The following PBX1 variants were observed in gnomAD, a reference collection of about 807,000 sequenced individuals.
The protein encoded by PBX1 is PBX homeobox 1.
A neutral mutation model predicts 53.4 loss-of-function variants in PBX1; 6 were observed. The observed-to-expected ratio is 0.11, with a 90% CI of 0.06 to 0.22. PBX1 has a LOEUF of 0.22. Among genes scored for constraint, PBX1 ranks in the 10% least tolerant of loss-of-function variants. The probability of loss-of-function intolerance (pLI) is 1.00; values close to 1 mark genes in which losing one functional copy is unlikely to be tolerated. For synonymous variants in PBX1, 204 were observed against 212.3 expected (o/e 0.96, Z 0.34); for missense variants, 251 against 551.4 (o/e 0.46, Z 5.46).
chr1:164,792,479 T>C lies in PBX1; in HGVS notation c.266-15T>C. 1 of 1,604,150 alleles carries C rather than the reference T, an allele frequency of 6.2e-7. No individual in the cohort carries two copies. On this transcript the variant is annotated splice_polypyrimidine_tract_variant and intron_variant, in intron 2 of 8. Transcript: ENST00000420696. ...GGGTTACTATTAACGCTCCCTTCCCTGTCTTTTTCTGTAGTTTTGAGTATC... is the reference window on the plus strand; with the variant it reads ...GGGTTACTATTAACGCTCCCTTCCCCGTCTTTTTCTGTAGTTTTGAGTATC...
intron 8 of PBX1, among the ~76,000 whole-genome samples, chr1:164,846,039 TG>T (rs1671554259): frequency 6.6e-6 from 1 of 152,126 alleles, no homozygotes; most frequent in African/African-American, 2.4e-5. Context: ...CTTGAACACA[TG>T]AACTACATCT....
intron 2 of PBX1, among the ~76,000 whole-genome samples, chr1:164,624,868 T>C (rs1657934603): frequency 6.6e-6 from 1 of 152,220 alleles, no homozygotes; most frequent in Non-Finnish European, 1.5e-5. Context: ...TAGCCTGTTG[T>C]CCAAAACTGC....
intron 2 of PBX1, among the ~76,000 whole-genome samples, chr1:164,620,582 G>A (rs973705348): frequency 6.6e-6 from 1 of 152,136 alleles, no homozygotes; most frequent in Non-Finnish European, 1.5e-5. Flanking sequence ...CTAAAATCAG[G>A]TCTGGTGCTG....
At position 164,799,465 on chromosome 1, in the gene PBX1, T is replaced by A. The variant is rs1668958053; in HGVS notation, c.511-234T>A. On this transcript the variant is annotated intron_variant, in intron 3 of 8. Transcript: ENST00000420696. ...GATATCGTGCCACTGCACTCCAGCC[T>A]GGGCGACCGAGCGAGACTCCGTCTC... Among the ~76,000 whole-genome samples the A allele has an allele frequency of 2.0e-5, 3 of 152,198 alleles. 1 individual carries two copies. Among genetic ancestry groups the A allele is most frequent in the Admixed American group, 2.0e-4 (3 of 15,290 alleles).
At chr1:164,563,362 C>G (rs1653199240) in intron 2 of PBX1, 51 bp downstream of exon 2, 2 of 1,168,134 alleles carry the variant, frequency 1.7e-6, no homozygotes, top group East Asian at 4.7e-5. Flanking sequence ...AATTAAATCA[C>G]TTAACCAGCA....
chr1:164,770,644 G>A (rs984895816), intron 2 of PBX1: 15 of 152,134 alleles, frequency 9.9e-5, no homozygotes, highest in African/African-American at 2.4e-4. Context: ...GTGCATCACC[G>A]TCTCTAACTG....
chr1:164,583,163 T>G (rs932546416), intron 2 of PBX1, among the ~76,000 whole-genome samples: 2 of 152,168 alleles, frequency 1.3e-5, no homozygotes, highest in Non-Finnish European at 2.9e-5. Flanking sequence ...AATTGCTACA[T>G]GATAGAAGTG....
chr1:164,750,000 T>A (rs1468806130), intron 2 of PBX1, among the ~76,000 whole-genome samples: 2 of 151,932 alleles, frequency 1.3e-5, no homozygotes, highest in African/African-American at 4.8e-5. Context: ...CTTGGGAGGC[T>A]GAGGCAAAAG....
At position 164,796,390 on chromosome 1, in the gene PBX1, T is replaced by G. The variant is rs530377944; in HGVS notation, c.511-3309T>G. Among the ~76,000 whole-genome samples the G allele has an allele frequency of 5.3e-5, 8 of 151,748 alleles. No homozygotes were observed. In the South Asian group the frequency reaches 1.7e-3, roughly 32 times the overall value. ...CTGAATTTTATTCCAAGCTCTACTT[T>G]AAAAAAAAATTATCTTGTGGCTTTG... On this transcript the variant is annotated intron_variant, in intron 3 of 8. Coordinates refer to ENST00000420696, the MANE Select transcript of PBX1 (RefSeq NM_002585.4).
At chr1:164,688,853 T>G (rs575404626) in intron 2 of PBX1, among the ~76,000 whole-genome samples, 1 of 152,380 alleles carries the variant, frequency 6.6e-6, no homozygotes, top group South Asian at 2.1e-4. Flanking sequence ...TGGAAACTGC[T>G]GTAATGCAAG....
chr1:164,855,790 T>C (rs1351618635), downstream of PBX1, among the ~76,000 whole-genome samples: 2 of 152,254 alleles, frequency 1.3e-5, no homozygotes, highest in East Asian at 3.8e-4. Flanking sequence ...AATTTTGCAC[T>C]CTGCTTCCTA....
chr1:164,695,837 C>T (rs1323651672), intron 2 of PBX1, among the ~76,000 whole-genome samples: 2 of 152,164 alleles, frequency 1.3e-5, no homozygotes, highest in Non-Finnish European at 2.9e-5. Flanking sequence ...AGCAGCTAGT[C>T]CTAGCTCGTC....
chr1:164,573,560 C>T (rs1032739855), intron 2 of PBX1, among the ~76,000 whole-genome samples: 15 of 145,972 alleles, frequency 1.0e-4, no homozygotes, highest in Admixed American at 3.5e-4. Context: ...GGCGTGATCT[C>T]GGCTCACTGC....
chr1:164,835,811 C>G (rs1356192206), intron 8 of PBX1, among the ~76,000 whole-genome samples: 2 of 151,994 alleles, frequency 1.3e-5, no homozygotes, highest in African/African-American at 4.8e-5. Flanking sequence ...GATTGTTGCC[C>G]TAGGAAAACT....
At chr1:164,673,447 C>G (rs115289060) in intron 2 of PBX1, among the ~76,000 whole-genome samples, 20,238 of 144,228 alleles carry the variant, frequency 0.14, 2,252 homozygotes, top group African/African-American at 0.32. Flanking sequence ...GCATTTTTTT[C>G]TTCTGGAAAA....
intron 2 of PBX1, among the ~76,000 whole-genome samples, chr1:164,884,019 A>C (rs1183923036): frequency 6.6e-6 from 1 of 152,202 alleles, no homozygotes; most frequent in Non-Finnish European, 1.5e-5. Context: ...ACCATTGGTC[A>C]AATTACGAGC....
intron 8 of PBX1, among the ~76,000 whole-genome samples, chr1:164,825,007 C>T (rs769739271): frequency 6.6e-6 from 1 of 152,200 alleles, no homozygotes; most frequent in Non-Finnish European, 1.5e-5. Flanking sequence ...CCCAAGCAAG[C>T]TCAAACCCTG....
chr1:164,574,961 A>G (rs1654117914), intron 2 of PBX1, among the ~76,000 whole-genome samples: 1 of 151,900 alleles, frequency 6.6e-6, no homozygotes, highest in African/African-American at 2.4e-5. Context: ...CAGCCTGGGC[A>G]ACAGAGTGAG....
intron 2 of PBX1, among the ~76,000 whole-genome samples, chr1:164,732,588 A>G (rs11812059): frequency 0.058 from 8,873 of 152,074 alleles, 321 homozygotes; most frequent in South Asian, 0.19. Flanking sequence ...AGGTCTTTCC[A>G]TTACTTTTAA....
Sources: gnomAD v4.1 joint callset for allele counts (sites outside exome capture counted in the v4.1 genomes callset) on GRCh38, gnomAD v4.1.1 for gene constraint, MANE v1.5 for transcripts, NCBI Gene and HGNC (gene_info 2026-07-23, HGNC 2026-07-21) for gene names.